EBF3: variants seen among roughly 807,000 people sequenced by gnomAD.
The protein encoded by EBF3 is transcription factor COE3.
Under a neutral mutation model 77.1 loss-of-function variants are expected in EBF3, and 18 were observed. The observed-to-expected ratio is 0.23, with a 90% CI of 0.16 to 0.35. EBF3 has a LOEUF of 0.35. EBF3 is among the 10% of genes least tolerant of loss of function. The pLI is 1.00. For synonymous variants in EBF3, 350 were observed against 343.5 expected (o/e 1.02, Z -0.21); for missense variants, 558 against 860.0 (o/e 0.65, Z 4.39).
chr10:129,896,810 C>T (rs796696161), intron 6 of EBF3, among the ~76,000 whole-genome samples: 29 of 152,372 alleles, frequency 1.9e-4, no homozygotes, highest in South Asian at 1.0e-3. Flanking sequence ...ACGCCCAGCC[C>T]GTAGCCACCT....
intron 6 of EBF3, among the ~76,000 whole-genome samples, chr10:129,914,028 A>G (rs1345375537): frequency 1.3e-5 from 2 of 152,244 alleles, no homozygotes; most frequent in Admixed American, 1.3e-4. Flanking sequence ...AAGAACACCC[A>G]TCCCATTCAC....
intron 10 of EBF3, among the ~76,000 whole-genome samples, chr10:129,865,195 C>T (rs576211470): frequency 2.0e-5 from 3 of 152,108 alleles, no homozygotes; most frequent in African/African-American, 4.8e-5. Flanking sequence ...CCAGAAAGGA[C>T]CCCCCAGCCC....
At position 129,836,564 on chromosome 10, in the gene EBF3, AAAAAT is replaced by A. The variant is rs1274983826; in HGVS notation, c.*1374_*1378del. The A allele has an allele frequency of 2.6e-5, 4 of 151,298 alleles. No individual in the cohort carries two copies. The highest frequency in any genetic ancestry group is 9.7e-5 in the African/African-American group (4 of 41,258). The allele number at this position is 151,298 out of a possible 1,614,324, so 9.4% of individuals were successfully genotyped here. A position where few individuals can be genotyped will look rare whatever the true frequency, so the allele number is the denominator to read the frequency against. Reference sequence around the variant, plus strand: ...TGTTCAGATAACTTAAAAATAATATAAAAATAAACAATGAATTTGACTTTTCCTCA... The same window carrying A: ...TGTTCAGATAACTTAAAAATAATATAAAACAATGAATTTGACTTTTCCTCA... On this transcript the variant is annotated 3_prime_UTR_variant, in exon 17 of 17. Coordinates refer to ENST00000440978, the MANE Select transcript of EBF3 (RefSeq NM_001375380.1).
chr10:129,882,330 G>A (rs1253627325), intron 6 of EBF3, among the ~76,000 whole-genome samples: 4 of 152,192 alleles, frequency 2.6e-5, no homozygotes, highest in African/African-American at 7.2e-5. Context: ...TCCTTTAAAC[G>A]GCTACAGAAC....
chr10:129,904,727 T>A (rs573202088), intron 6 of EBF3, among the ~76,000 whole-genome samples: 1 of 145,008 alleles, frequency 6.9e-6, no homozygotes, highest in Non-Finnish European at 1.5e-5. Flanking sequence ...TTTATATAGA[T>A]CTCTCTATCC....
At chr10:129,913,920 T>C (rs1855694721) in intron 6 of EBF3, among the ~76,000 whole-genome samples, 2 of 152,222 alleles carry the variant, frequency 1.3e-5, no homozygotes, top group Admixed American at 6.5e-5. Flanking sequence ...TTCACTCATC[T>C]CGCTTCTCAT....
intron 7 of EBF3, among the ~76,000 whole-genome samples, chr10:129,875,359 C>G (rs1589761471): frequency 6.6e-6 from 1 of 151,934 alleles, no homozygotes; most frequent in South Asian, 2.1e-4. Flanking sequence ...CTGCACCTGG[C>G]TAATTTTTTG....
intron 6 of EBF3, among the ~76,000 whole-genome samples, chr10:129,941,757 C>A (rs1409395584): frequency 6.6e-6 from 1 of 152,212 alleles, no homozygotes; most frequent in African/African-American, 2.4e-5. Flanking sequence ...GGGGACAGGA[C>A]CAGGCTGGCC....
chr10:129,959,094 C>T, intron 4 of EBF3, 87 bp from the exon 5 acceptor site: 1 of 1,518,380 alleles, frequency 6.6e-7, no homozygotes, highest in Non-Finnish European at 9.0e-7. Flanking sequence ...GCCTGGCTGG[C>T]AGCAGGTGCA....
intron 6 of EBF3, among the ~76,000 whole-genome samples, chr10:129,887,130 C>A (rs1853663914): frequency 7.0e-6 from 1 of 143,044 alleles, no homozygotes; most frequent in Non-Finnish European, 1.5e-5. Context: ...GAAGCCCATA[C>A]AAGTTGCAGC....
chr10:129,924,445 A>C (rs1287890175), intron 6 of EBF3, among the ~76,000 whole-genome samples: 7 of 131,932 alleles, frequency 5.3e-5, no homozygotes, highest in Middle Eastern at 3.6e-3. Flanking sequence ...AAAAAAAAAA[A>C]CAAAAAACAA....
In EBF3 at chr10:129,848,565, T is replaced by C; in HGVS notation, c.1040-85A>G. On this transcript the variant is annotated intron_variant, in intron 10 of 16. Coordinates refer to ENST00000440978, the MANE Select transcript of EBF3 (RefSeq NM_001375380.1). The surrounding 1 kb of genome is among the most constrained non-coding windows in gnomAD (Gnocchi z 4.4). ...TTTATTGCACACTTACAAATAAATG[T>C]GTAGTTCTCCTGCTCTGATGCTCTC... 1.4e-6 allele frequency: 2 copies of C among 1,410,598 alleles called. No individual in the cohort carries two copies. The highest frequency in any genetic ancestry group is 2.0e-6 in the Non-Finnish European group (2 of 995,278). 87.4% of individuals were successfully genotyped at this position (1,410,598 alleles called of 1,614,324 possible). A position where few individuals can be genotyped will look rare whatever the true frequency, so the allele number is the denominator to read the frequency against.
chr10:129,889,946 C>CTTTTTTTTTTTTTT lies in EBF3; in HGVS notation c.555-12111_555-12098dup, dbSNP rs10665456. Among the ~76,000 whole-genome samples, 3 of 82,880 alleles carry CTTTTTTTTTTTTTT rather than the reference C, an allele frequency of 3.6e-5. 1 individual carries two copies. Among genetic ancestry groups the CTTTTTTTTTTTTTT allele is most frequent in the African/African-American group, 1.6e-4 (3 of 19,272 alleles). 54.4% of individuals were successfully genotyped at this position (82,880 alleles called of 152,430 possible). On this transcript the variant is annotated intron_variant, in intron 6 of 16. Coordinates refer to ENST00000440978, the MANE Select transcript of EBF3 (RefSeq NM_001375380.1). ...AAATGAGCAAAGCCCATTGAAGTGC[C>CTTTTTTTTTTTTTT]TTTTTTTTTTTTTTTTTTTTTTTTT...
chr10:129,877,966 T>G, intron 6 of EBF3, 117 bp from the exon 7 acceptor site: 3 of 761,264 alleles, frequency 3.9e-6, no homozygotes, highest in Non-Finnish European at 4.2e-6. Flanking sequence ...GCTTCCACAC[T>G]TCCCTCTAGG....
chr10:129,914,652 C>G (rs912489878), intron 6 of EBF3, among the ~76,000 whole-genome samples: 1 of 152,170 alleles, frequency 6.6e-6, no homozygotes, highest in African/African-American at 2.4e-5. Flanking sequence ...GCACAGAAGA[C>G]CCACTGTGCG....
intron 6 of EBF3, among the ~76,000 whole-genome samples, chr10:129,927,373 G>A (rs1256617209): frequency 2.0e-5 from 3 of 152,142 alleles, no homozygotes; most frequent in Non-Finnish European, 2.9e-5. Flanking sequence ...TACCCTCAGA[G>A]AGCAACAAGA....
intron 6 of EBF3, among the ~76,000 whole-genome samples, chr10:129,892,462 G>A (rs1415280422): frequency 1.3e-5 from 2 of 152,180 alleles, no homozygotes; most frequent in Admixed American, 6.5e-5. Context: ...CACGGATGCC[G>A]GACACCTGTG....
rs1858727806 is a variant in EBF3, at chr10:129,952,181, G to A, written c.554+5077C>T. On this transcript the variant is annotated intron_variant, in intron 6 of 16. Coordinates refer to ENST00000440978, the MANE Select transcript of EBF3 (RefSeq NM_001375380.1). The surrounding 1 kb of genome is among the most constrained non-coding windows in gnomAD (Gnocchi z 4.7). ...CCAATGCACAGCCTCCGCCAAGAGA[G>A]GATCTCCAGGACCCCAAGGCCTATC... 6.6e-6 allele frequency among the ~76,000 whole-genome samples: 1 copy of A among 152,180 alleles called. No homozygotes were observed. Among genetic ancestry groups the A allele is most frequent in the South Asian group, 2.1e-4 (1 of 4,828 alleles).
intron 5 of EBF3, 89 bp downstream of exon 5, chr10:129,958,845 G>T: frequency 6.9e-7 from 1 of 1,447,500 alleles, no homozygotes; most frequent in Non-Finnish European, 9.1e-7. Flanking sequence ...GAGCTGGGCG[G>T]GGTGGCGGCG....
Sources: gnomAD v4.1 joint callset for allele counts (sites outside exome capture counted in the v4.1 genomes callset) on GRCh38, gnomAD v4.1.1 for gene constraint, Gnocchi (gnomAD v3.1) non-coding constraint, MANE v1.5 for transcripts, NCBI Gene and HGNC (gene_info 2026-07-23, HGNC 2026-07-21) for gene names.